Variants in PSD2 observed in about 807,000 individuals in gnomAD.
PSD2 encodes the protein PH and SEC7 domain-containing protein 2.
In PSD2, 38 loss-of-function variants were observed where a neutral mutation model predicts 69.8. The ratio of observed to expected loss-of-function variants is 0.54; its 90% CI spans 0.42 to 0.71. PSD2 has a LOEUF of 0.71. Among genes scored for constraint, PSD2 ranks in the 30% least tolerant of loss-of-function variants. PSD2 has a pLI of 0.00. For missense variants in PSD2, 943 were observed against 1,014.5 expected (o/e 0.93, Z 0.96); for synonymous variants, 412 against 423.0 (o/e 0.97, Z 0.32).
chr5:139,825,833 G>A (rs1385931543), intron 7 of PSD2, among the ~76,000 whole-genome samples: 1 of 152,202 alleles, frequency 6.6e-6, no homozygotes, highest in Non-Finnish European at 1.5e-5. Flanking sequence ...GACAGAGATG[G>A]GGTGGGGTGG....
chr5:139,842,748 TAGACA>T lies in PSD2; in HGVS notation c.*275_*279del. The T allele has an allele frequency of 2.4e-6, 1 of 412,368 alleles. No individual in the cohort carries two copies. The highest frequency in any genetic ancestry group is 4.4e-6 in the Non-Finnish European group (1 of 228,832). The allele number at this position is 412,368 out of a possible 1,614,324, so 25.5% of individuals were successfully genotyped here. A position where few individuals can be genotyped will look rare whatever the true frequency, so the allele number is the denominator to read the frequency against. ...TTGTAGGCCAGTTGTGTGCATGCTC[TAGACA>T]CCACCTCGCTGGAGAAGCTGGAAGG... On this transcript the variant is annotated 3_prime_UTR_variant, in exon 15 of 15. Coordinates refer to ENST00000274710, the MANE Select transcript of PSD2 (RefSeq NM_032289.4).
At chr5:139,777,696 C>T in the PSD2 span, among the ~76,000 whole-genome samples, 1 of 152,086 alleles carries the variant, frequency 6.6e-6, no homozygotes, top group South Asian at 2.1e-4. Context: ...TGAGCCTGTG[C>T]AACATGGCCA....
chr5:139,839,016 A>C lies in PSD2; in HGVS notation c.1968+244A>C, dbSNP rs948115403. The stretch of plus-strand genomic sequence containing the variant: ...CATGGAGCTGCCTCTATGCCAGTGC[A>C]TCCCTGTGGATGTGACCGAGAGTTG... On this transcript the variant is annotated intron_variant, in intron 13 of 14. Coordinates refer to ENST00000274710, the MANE Select transcript of PSD2 (RefSeq NM_032289.4). The surrounding 1 kb of genome is among the most constrained non-coding windows in gnomAD (Gnocchi z 5.1). 6.6e-6 allele frequency among the ~76,000 whole-genome samples: 1 copy of C among 152,214 alleles called. No homozygotes were observed. Among genetic ancestry groups the C allele is most frequent in the Non-Finnish European group, 1.5e-5 (1 of 68,028 alleles).
At chr5:139,799,328 G>A (rs1448845708) in intron 1 of PSD2, among the ~76,000 whole-genome samples, 1 of 152,214 alleles carries the variant, frequency 6.6e-6, no homozygotes, top group Non-Finnish European at 1.5e-5. Context: ...GAAGCAGACA[G>A]AAACTTTCAG....
At position 139,814,577 on chromosome 5, in the gene PSD2, C is replaced by T. The variant is rs1002925891; in HGVS notation, c.1016+213C>T. On this transcript the variant is annotated intron_variant, in intron 4 of 14. Transcript: ENST00000274710. This position sits in a 1 kb window ranked among gnomAD's most constrained non-coding sequence, Gnocchi z 4.4. ...GCTGCTTGGGCGAAGCTGATGCTCT[C>T]GGGGAGGGGTGGTGGCGGGCAGCCC... 3.3e-5 allele frequency among the ~76,000 whole-genome samples: 5 copies of T among 151,888 alleles called. No homozygotes were observed. The highest frequency in any genetic ancestry group is 4.8e-5 in the African/African-American group (2 of 41,324).
the PSD2 span, among the ~76,000 whole-genome samples, chr5:139,781,634 C>CT: frequency 1.8e-3 from 259 of 143,658 alleles, no homozygotes; most frequent in Middle Eastern, 3.5e-3. Context: ...GGCGCCTGGC[C>CT]TTTTTTTTTT....
intron 2 of PSD2, among the ~76,000 whole-genome samples, chr5:139,810,955 G>A (rs1217401310): frequency 6.6e-6 from 1 of 152,102 alleles, no homozygotes; most frequent in African/African-American, 2.4e-5. Flanking sequence ...GTTGCATGAG[G>A]GGGTGGGAGA....
chr5:139,765,280 G>A, the PSD2 span, among the ~76,000 whole-genome samples: 1 of 151,972 alleles, frequency 6.6e-6, no homozygotes, highest in Non-Finnish European at 1.5e-5. Flanking sequence ...CTTCCAACAT[G>A]CACTCAGGGC....
At chr5:139,793,543 G>T (rs972409947), upstream of PSD2, among the ~76,000 whole-genome samples, 1 of 152,212 alleles carries the variant, frequency 6.6e-6, no homozygotes, top group African/African-American at 2.4e-5. Flanking sequence ...GGCAGATCCA[G>T]GGGGCAGAGA....
chr5:139,781,425 T>C, the PSD2 span, among the ~76,000 whole-genome samples: 4 of 151,714 alleles, frequency 2.6e-5, no homozygotes, highest in Non-Finnish European at 2.9e-5. Context: ...AAGCTCCACC[T>C]CCTGGGTTCA....
the PSD2 span, among the ~76,000 whole-genome samples, chr5:139,744,425 G>T: frequency 3.3e-5 from 5 of 152,186 alleles, no homozygotes; most frequent in Non-Finnish European, 7.3e-5. Context: ...TGGGATGGGA[G>T]GACTGAGTGT....
At chr5:139,766,958 T>TTTCTTTCTTTCTTTCTTTCTTTCTTTCC in the PSD2 span, among the ~76,000 whole-genome samples, 1 of 140,154 alleles carries the variant, frequency 7.1e-6, no homozygotes, top group Non-Finnish European at 1.5e-5. Context: ...TCTTTCTTTC[T>TTTCTTTCTTTCTTTCTTTCTTTCTTTCC]TTCTTTCTTT....
At chr5:139,778,894 A>G in the PSD2 span, among the ~76,000 whole-genome samples, 3 of 149,328 alleles carry the variant, frequency 2.0e-5, no homozygotes, top group East Asian at 5.9e-4. Context: ...GTGCCCTTGC[A>G]CTCCAGCCTG....
chr5:139,833,254 C>T (rs72794900), intron 7 of PSD2, among the ~76,000 whole-genome samples: 8,160 of 152,174 alleles, frequency 0.054, 207 homozygotes, highest in East Asian at 0.071. Flanking sequence ...CACACTTGGC[C>T]TTTTCACTTC....
the PSD2 span, among the ~76,000 whole-genome samples, chr5:139,786,281 A>G: frequency 6.6e-6 from 1 of 152,042 alleles, no homozygotes; most frequent in Non-Finnish European, 1.5e-5. Flanking sequence ...GCTACACAGG[A>G]GGCAGAGAGG....
In PSD2 at chr5:139,837,582, G is replaced by C. The variant is rs377443098; in HGVS notation, c.1666-43G>C. 3 of 1,558,540 alleles carry C rather than the reference G, an allele frequency of 1.9e-6. No homozygotes were observed. The African/African-American group carries it at 4.1e-5, about 21-fold the overall frequency. ...CAGTGAGGGGAGGGGAGAGTGGAAG[G>C]TGTGGGTCAGTGACCCTAGCTCGCC... On this transcript the variant is annotated intron_variant, in intron 11 of 14. Coordinates refer to ENST00000274710, the MANE Select transcript of PSD2 (RefSeq NM_032289.4). The surrounding 1 kb of genome is among the most constrained non-coding windows in gnomAD (Gnocchi z 5.0).
At chr5:139,834,536 A>G (rs1402230721) in intron 8 of PSD2, among the ~76,000 whole-genome samples, 1 of 151,808 alleles carries the variant, frequency 6.6e-6, no homozygotes, top group African/African-American at 2.4e-5. Flanking sequence ...CCTGGGCTCA[A>G]GCAATCCTCA....
intron 7 of PSD2, among the ~76,000 whole-genome samples, chr5:139,831,675 T>A (rs535048192): frequency 1.3e-5 from 2 of 152,382 alleles, no homozygotes; most frequent in Non-Finnish European, 2.9e-5. Flanking sequence ...TACATACTCC[T>A]GTTATCATGC....
chr5:139,817,402 G>T, intron 4 of PSD2, 79 bp from the exon 5 acceptor site: 1 of 1,335,426 alleles, frequency 7.5e-7, no homozygotes, highest in East Asian at 2.3e-5. Context: ...CGGGTACCCT[G>T]GGCCCAAGTA....
Sources: allele counts gnomAD v4.1 joint callset (sites outside exome capture counted in the v4.1 genomes callset), GRCh38; gene constraint gnomAD v4.1.1; non-coding constraint Gnocchi (gnomAD v3.1); transcripts MANE v1.5; gene names NCBI Gene and HGNC (gene_info 2026-07-23, HGNC 2026-07-21).